Variants in HECW1 observed in about 807,000 individuals in gnomAD.
The protein encoded by HECW1 is E3 ubiquitin-protein ligase HECW1.
HECW1 carries 61 observed loss-of-function variants against 182.3 expected under a neutral mutation model. The ratio of observed to expected loss-of-function variants is 0.33; its 90% CI spans 0.27 to 0.41. The LOEUF (loss-of-function observed/expected upper bound fraction) is 0.41, where lower values mean the gene tolerates loss of function less well. HECW1 is among the 10% of genes least tolerant of loss of function. The probability of loss-of-function intolerance (pLI) is 1.00; values close to 1 mark genes in which losing one functional copy is unlikely to be tolerated. For missense variants in HECW1, 1,739 were observed against 2,108.9 expected (o/e 0.82, Z 3.44); for synonymous variants, 859 against 832.6 (o/e 1.03, Z -0.55).
intron 2 of HECW1, among the ~76,000 whole-genome samples, chr7:43,119,577 G>A (rs182977642): frequency 2.0e-5 from 3 of 152,010 alleles, no homozygotes; most frequent in East Asian, 1.9e-4. Flanking sequence ...AGTTTATTTC[G>A]TCAGCCCTGA....
At chr7:43,168,945 GATA>G (rs1791406495) in intron 2 of HECW1, among the ~76,000 whole-genome samples, 2 of 152,316 alleles carry the variant, frequency 1.3e-5, no homozygotes, top group South Asian at 4.1e-4. Context: ...GCACCAAACT[GATA>G]ATAAACTGAA....
intron 5 of HECW1, among the ~76,000 whole-genome samples, chr7:43,349,784 T>C (rs995295713): frequency 1.3e-5 from 2 of 152,204 alleles, no homozygotes; most frequent in African/African-American, 2.4e-5. Flanking sequence ...AGATAGTTGG[T>C]TGGTGAGTTA....
chr7:43,267,613 T>C (rs187448516), intron 3 of HECW1, among the ~76,000 whole-genome samples: 148 of 151,974 alleles, frequency 9.7e-4, no homozygotes, highest in African/African-American at 3.5e-3. Context: ...ATTAATAAAC[T>C]ATAAACAAAA....
chr7:43,375,869 G>A (rs949166377), intron 6 of HECW1, among the ~76,000 whole-genome samples: 4 of 146,816 alleles, frequency 2.7e-5, no homozygotes, highest in African/African-American at 1.0e-4. Context: ...CTCCAGCCTG[G>A]GTGACAGATG....
chr7:43,222,884 GACCTATTTC>G (rs1797105831), intron 2 of HECW1, among the ~76,000 whole-genome samples: 1 of 152,042 alleles, frequency 6.6e-6, no homozygotes, highest in Admixed American at 6.5e-5. Context: ...CCCATCTTAT[GACCTATTTC>G]ACCTGTGCAT....
intron 6 of HECW1, 30 bp from the exon 7 acceptor site, chr7:43,396,784 G>A (rs759315657): frequency 8.8e-6 from 13 of 1,477,850 alleles, no homozygotes; most frequent in African/African-American, 2.8e-5. Context: ...TGCTTGTTTT[G>A]TTTGTCTCCC....
At chr7:43,354,219 G>T (rs1362010969) in intron 5 of HECW1, among the ~76,000 whole-genome samples, 2 of 146,946 alleles carry the variant, frequency 1.4e-5, no homozygotes, top group Non-Finnish European at 3.0e-5. Flanking sequence ...AGAGAAGACT[G>T]AAATAAATAA....
At chr7:43,482,605 C>A (rs891425463) in intron 17 of HECW1, among the ~76,000 whole-genome samples, 3 of 152,072 alleles carry the variant, frequency 2.0e-5, no homozygotes, top group African/African-American at 4.8e-5. Flanking sequence ...GGAAAAGTAT[C>A]TTTTAAAATA....
At position 43,247,817 on chromosome 7, in the gene HECW1, AAG is replaced by A. The variant is rs201937285; in HGVS notation, c.27+3893_27+3894del. 5.2e-4 allele frequency among the ~76,000 whole-genome samples: 71 copies of A among 137,470 alleles called. 1 individual carries two copies. The highest frequency in any genetic ancestry group is 1.5e-3 in the African/African-American group (49 of 32,604). The allele number at this position is 137,470 out of a possible 152,430, so 90.2% of individuals were successfully genotyped here. On this transcript the variant is annotated intron_variant, in intron 3 of 29. Coordinates refer to ENST00000395891, the MANE Select transcript of HECW1 (RefSeq NM_015052.5). ...AAGAAGGAGGGAAGGAAAGAAAAGA[AAG>A]AGAGAGAAAGGTAAGAAGGAAGGAA...
At chr7:43,260,569 ATAAAG>A (rs1178326906) in intron 3 of HECW1, among the ~76,000 whole-genome samples, 2 of 152,216 alleles carry the variant, frequency 1.3e-5, no homozygotes, top group Non-Finnish European at 2.9e-5. Context: ...AAAATTCTGG[ATAAAG>A]TAGAGAGGCA....
intron 2 of HECW1, among the ~76,000 whole-genome samples, chr7:43,152,997 T>C (rs1370899130): frequency 6.6e-6 from 1 of 152,158 alleles, no homozygotes. Context: ...AGAATAAACT[T>C]TCTGTTGATT....
chr7:43,416,888 G>C (rs547263607), intron 8 of HECW1, among the ~76,000 whole-genome samples: 2 of 151,776 alleles, frequency 1.3e-5, no homozygotes, highest in African/African-American at 2.4e-5. Context: ...GCTTCGGCTC[G>C]AGCACGGTGT....
At chr7:43,306,564 G>GCC (rs1436564875) in intron 3 of HECW1, among the ~76,000 whole-genome samples, 2 of 152,048 alleles carry the variant, frequency 1.3e-5, no homozygotes, top group Non-Finnish European at 2.9e-5. Flanking sequence ...CTTTAATGAA[G>GCC]CTTCCTTCAA....
chr7:43,384,824 G>A (rs1389387498), intron 6 of HECW1, among the ~76,000 whole-genome samples: 3 of 152,174 alleles, frequency 2.0e-5, no homozygotes, highest in Non-Finnish European at 4.4e-5. Context: ...TCTTCACTAA[G>A]CAGACTGTCT....
At chr7:43,215,463 A>C (rs973544789) in intron 2 of HECW1, among the ~76,000 whole-genome samples, 7 of 152,164 alleles carry the variant, frequency 4.6e-5, no homozygotes, top group Admixed American at 1.3e-4. Context: ...TGGCATTCTC[A>C]TTGTCTTTCA....
intron 2 of HECW1, among the ~76,000 whole-genome samples, chr7:43,127,077 A>G (rs894064164): frequency 2.0e-5 from 3 of 152,244 alleles, no homozygotes; most frequent in African/African-American, 7.2e-5. Flanking sequence ...AAAGCTAGAA[A>G]TGATCAAGCT....
intron 24 of HECW1, among the ~76,000 whole-genome samples, chr7:43,536,013 C>A (rs931214908): frequency 6.6e-6 from 1 of 152,182 alleles, no homozygotes. Flanking sequence ...CCACAAACCA[C>A]AGAGTTGTGG....
intron 19 of HECW1, among the ~76,000 whole-genome samples, chr7:43,500,250 AC>A (rs1159959481): frequency 6.6e-6 from 1 of 151,874 alleles, no homozygotes; most frequent in Non-Finnish European, 1.5e-5. Flanking sequence ...CAGGCAGGCA[AC>A]ACCACACCTG....
chr7:43,285,680 C>T (rs962931747), intron 3 of HECW1, among the ~76,000 whole-genome samples: 1 of 151,982 alleles, frequency 6.6e-6, no homozygotes, highest in African/African-American at 2.4e-5. Context: ...GGTGTGGTGG[C>T]TCATGCAGGT....
Sources: allele counts gnomAD v4.1 joint callset (sites outside exome capture counted in the v4.1 genomes callset), GRCh38; gene constraint gnomAD v4.1.1; transcripts MANE v1.5; gene names NCBI Gene and HGNC (gene_info 2026-07-23, HGNC 2026-07-21).